Variants in SAMD11 observed in about 807,000 individuals in gnomAD.
The protein encoded by SAMD11 is sterile alpha motif domain-containing protein 11.
In SAMD11, 77 loss-of-function variants were observed where a neutral mutation model predicts 64.4. The ratio of observed to expected loss-of-function variants is 1.20; its 90% confidence interval spans 0.99 to 1.44. SAMD11 has a LOEUF of 1.44. Among genes scored for constraint, SAMD11 ranks in the 40% most tolerant of loss-of-function variants. SAMD11 has a pLI of 0.00. For missense variants in SAMD11, 1,402 were observed against 943.3 expected (o/e 1.49, Z -6.37); for synonymous variants, 658 against 421.9 (o/e 1.56, Z -6.86).
At chr1:925,188 A>T (rs531355326) in intron 1 of SAMD11, 1 of 152,330 alleles carries the variant, frequency 6.6e-6, no homozygotes, top group East Asian at 1.9e-4. Flanking sequence ...TCCGCTCGGA[A>T]GGTCTCTGCG....
chr1:936,978 T>C (rs985389577), intron 5 of SAMD11, among the ~76,000 whole-genome samples: 4 of 152,168 alleles, frequency 2.6e-5, no homozygotes, highest in African/African-American at 9.7e-5. Flanking sequence ...TCTGGGGTCC[T>C]GTGGGGTGCA....
chr1:937,010 G>C (rs114331633), intron 5 of SAMD11, among the ~76,000 whole-genome samples: 2 of 152,136 alleles, frequency 1.3e-5, no homozygotes, highest in African/African-American at 4.8e-5. Context: ...TTGCCCGGCA[G>C]CTCTCACCCA....
At position 943,338 on chromosome 1, in the gene SAMD11, C is replaced by T. The variant is rs1557611417; in HGVS notation, c.2139C>T (p.Ser713=). 1.9e-6 allele frequency: 3 copies of T among 1,601,252 alleles called. No individual in the cohort carries two copies. Among genetic ancestry groups the T allele is most frequent in the Admixed American group, 1.7e-5 (1 of 58,664 alleles). The change falls in exon 12 of 14, where the codon AGC becomes AGT. Residue 713 remains serine (S), a synonymous_variant. Coordinates refer to ENST00000616016, the MANE Select transcript of SAMD11 (RefSeq NM_001385641.1). Reference sequence around the variant, plus strand: ...AGTGGACCGTGGATGACGTCTGCAGCTTCGTGGGGGGCCTGTCTGGCTGTG... The same window carrying T: ...AGTGGACCGTGGATGACGTCTGCAGTTTCGTGGGGGGCCTGTCTGGCTGTG... ...VTKWTVDDVC[S]FVGGLSGCGE...
intron 5 of SAMD11, among the ~76,000 whole-genome samples, chr1:938,242 C>G (rs868184955): frequency 1.3e-5 from 2 of 151,092 alleles, no homozygotes; most frequent in East Asian, 3.9e-4. Flanking sequence ...TGGGCCTCCC[C>G]TCTGCCACCT....
Position 939,393 on chromosome 1 carries a change from C to T in SAMD11, c.1176C>T (p.His392=), listed in dbSNP as rs1557607436. 1.3e-6 allele frequency: 2 copies of T among 1,593,666 alleles called. No homozygotes were observed. Among genetic ancestry groups the T allele is most frequent in the South Asian group, 1.1e-5 (1 of 90,982 alleles). The change falls in exon 7 of 14, where the codon CAC becomes CAT. Residue 392 remains histidine, a synonymous_variant. Coordinates refer to ENST00000616016, the MANE Select transcript of SAMD11 (RefSeq NM_001385641.1). ...TTGAGGACCCTCAGCGCCTCTACCA[C>T]CTGGGCCTCCCCAGCCACGGTGAGG... ...STFEDPQRLY[H]LGLPSHDLLR... is the part of the protein sequence containing the mutation.
chr1:943,428 A>G, intron 12 of SAMD11, 51 bp downstream of exon 12: 1 of 1,438,690 alleles, frequency 7.0e-7, no homozygotes, highest in Non-Finnish European at 9.4e-7. Context: ...GCTGGCAGTC[A>G]CTACCTCCCT....
rs549425896 is a variant in SAMD11 at position 932,875 on chromosome 1, G to A, written c.842+1786G>A. On this transcript the variant is annotated intron_variant, in intron 4 of 13. Transcript: ENST00000616016. ...GCTCCTCGAGCCATTGTTTGCAGGC[G>A]GGGGCTTGGCCCCTCTCTCCTGGGC... is the stretch of plus-strand genomic sequence containing the variant. 4.6e-5 allele frequency among the ~76,000 whole-genome samples: 7 copies of A among 152,362 alleles called. No individual in the cohort carries two copies. The South Asian group carries it at 8.3e-4, about 18-fold the overall frequency.
Position 942,858 on chromosome 1 carries a change from T to C in SAMD11, c.1853T>C (p.Leu618Pro). 1.3e-6 allele frequency: 2 copies of C among 1,552,154 alleles called. No individual in the cohort carries two copies. Among genetic ancestry groups the C allele is most frequent in the South Asian group, 2.4e-5 (2 of 84,224 alleles). ...SESKEMTGAR[L>P]WAQDGSEDEP... ...TCCAAGGAGATGACGGGGGCTAGGC[T>C]CTGGGCACAAGATGGCTCGGAAGAC... Residue 618 changes from leucine to proline, a missense_variant, in exon 11 of 14, where the codon CTC (leucine) becomes CCC (proline). Physicochemically the swap from Leu to Pro is moderately conservative, Grantham distance 98 (BLOSUM62 -3). Coordinates refer to ENST00000616016, the MANE Select transcript of SAMD11 (RefSeq NM_001385641.1).
At position 944,420 on chromosome 1, in the gene SAMD11, G is replaced by A. The variant is rs1304756525; in HGVS notation, c.*267G>A. 3.6e-6 allele frequency: 4 copies of A among 1,116,094 alleles called. No individual in the cohort carries two copies. Among genetic ancestry groups the A allele is most frequent in the African/African-American group, 1.6e-5 (1 of 61,288 alleles). 69.1% of individuals were successfully genotyped at this position (1,116,094 alleles called of 1,614,324 possible). ...CCTGCAGGCCTCCCCCTGGAACTGG[G>A]ACTGGTCTCGGTCTGCTGACGTCAG... On this transcript the variant is annotated 3_prime_UTR_variant, in exon 14 of 14. Coordinates refer to ENST00000616016, the MANE Select transcript of SAMD11 (RefSeq NM_001385641.1).
At position 944,112 on chromosome 1, in the gene SAMD11, C is replaced by T. The variant is rs547172192; in HGVS notation, c.2494C>T (p.Leu832=). 16 of 1,606,052 alleles carry T rather than the reference C, an allele frequency of 1.0e-5. No individual in the cohort carries two copies. The highest frequency in any genetic ancestry group is 2.2e-5 in the East Asian group (1 of 44,702). ...CAAGCAGGAGAATGGGACCTTGGCT[C>T]TACTTCCAGGGGCCCCCGACCCTTC... ...SPKQENGTLA[L]LPGAPDPSQP... The change falls in exon 14 of 14, where the codon CTA becomes TTA. Residue 832 remains leucine (L), a synonymous_variant. Transcript: ENST00000616016.
intron 3 of SAMD11, among the ~76,000 whole-genome samples, chr1:930,564 G>T (rs1008673567): frequency 6.6e-6 from 1 of 152,228 alleles, no homozygotes; most frequent in Non-Finnish European, 1.5e-5. Flanking sequence ...GCAGAGGCAG[G>T]TTGGCAGCAG....
intron 5 of SAMD11, among the ~76,000 whole-genome samples, chr1:938,720 A>AG (rs1363782856): frequency 6.6e-6 from 1 of 152,012 alleles, no homozygotes; most frequent in Non-Finnish European, 1.5e-5. Context: ...ATTCTCCTCT[A>AG]GGGGGATGAG....
At chr1:936,420 G>A (rs7520955) in intron 5 of SAMD11, among the ~76,000 whole-genome samples, 9 of 121,420 alleles carry the variant, frequency 7.4e-5, no homozygotes, top group African/African-American at 4.4e-4. Context: ...CCTGGACGGA[G>A]GGGGTCCCCG....
intron 10 of SAMD11, 27 bp from the exon 11 acceptor site, chr1:942,532 G>A: frequency 7.1e-7 from 1 of 1,416,074 alleles, no homozygotes; most frequent in African/African-American, 1.5e-5. Context: ...CCGGGAGGCG[G>A]CTGACCCGCG....
At chr1:939,245 A>C (rs758948643) in intron 6 of SAMD11, 30 bp from the exon 7 acceptor site, 1 of 1,569,670 alleles carries the variant, frequency 6.4e-7, no homozygotes, top group East Asian at 2.4e-5. Context: ...GTGCCTGGAG[A>C]AACCTCTCAC....
chr1:940,485 C>T (rs1269597648), intron 7 of SAMD11: 1 of 152,208 alleles, frequency 6.6e-6, no homozygotes, highest in Non-Finnish European at 1.5e-5. Flanking sequence ...TAAACAGAGG[C>T]GGCGGTGGAG....
At chr1:933,617 C>T (rs1029592588) in intron 4 of SAMD11, among the ~76,000 whole-genome samples, 5 of 152,212 alleles carry the variant, frequency 3.3e-5, no homozygotes, top group African/African-American at 1.2e-4. Context: ...GCCCCCACCC[C>T]ATGCTGAGGC....
At chr1:943,627 C>G in intron 12 of SAMD11, 71 bp from the exon 13 acceptor site, 1 of 1,432,634 alleles carries the variant, frequency 7.0e-7, no homozygotes, top group Non-Finnish European at 9.2e-7. Flanking sequence ...ACAAACAGCT[C>G]CTCTTGGCTC....
intron 5 of SAMD11, among the ~76,000 whole-genome samples, chr1:936,764 G>T (rs901121850): frequency 6.6e-6 from 1 of 152,186 alleles, no homozygotes; most frequent in African/African-American, 2.4e-5. Flanking sequence ...GAAGGCCCTT[G>T]TGGGGCTGGG....
Sources: allele counts gnomAD v4.1 joint callset (sites outside exome capture counted in the v4.1 genomes callset), GRCh38; gene constraint gnomAD v4.1.1; transcripts MANE v1.5; gene names NCBI Gene and HGNC (gene_info 2026-07-23, HGNC 2026-07-21).